Variants in MORC2 observed in about 807,000 individuals in gnomAD.
MORC2 encodes ATPase MORC2.
A neutral mutation model predicts 136.0 loss-of-function variants in MORC2; 30 were observed. That is an observed-to-expected ratio of 0.22 (90% CI 0.17 to 0.30). The LOEUF is 0.30. Among genes scored for constraint, MORC2 ranks in the 10% least tolerant of loss-of-function variants. MORC2 has a pLI of 1.00. For missense variants in MORC2, 922 were observed against 1,333.1 expected (o/e 0.69, Z 4.80); for synonymous variants, 439 against 487.0 (o/e 0.90, Z 1.30).
intron 2 of MORC2, among the ~76,000 whole-genome samples, chr22:30,957,878 A>C (rs1041403610): frequency 3.3e-5 from 5 of 152,254 alleles, no homozygotes; most frequent in South Asian, 2.1e-4. Flanking sequence ...CAGCGAGCAC[A>C]TTAACTGGAG....
At chr22:30,967,444 G>A (rs1445664203) in intron 1 of MORC2, 2 of 1,005,974 alleles carry the variant, frequency 2.0e-6, no homozygotes, top group African/African-American at 3.5e-5. Context: ...AAACCTAACT[G>A]TTTAGGACGT....
chr22:30,967,851 C>T lies in MORC2; in HGVS notation c.39G>A (p.Gln13=). Residue 13 remains glutamine (Q), a synonymous_variant, in exon 1 of 26, where the codon CAG becomes CAA. Transcript: ENST00000397641. ...FTNYSSLNRA[Q]LTFEYLHTNS... is the part of the protein sequence containing the mutation. ...TTGTGTGCAGATATTCAAAGGTTAGCTGAGCTCGATTCAGACTGCTGTAAT... is the reference window on the plus strand; with the variant it reads ...TTGTGTGCAGATATTCAAAGGTTAGTTGAGCTCGATTCAGACTGCTGTAAT... The T allele has an allele frequency of 2.6e-6, 4 of 1,551,190 alleles. No individual in the cohort carries two copies. The highest frequency in any genetic ancestry group is 2.6e-6 in the Non-Finnish European group (3 of 1,147,092).
intron 4 of MORC2, 61 bp downstream of exon 4, chr22:30,950,316 T>G: frequency 6.5e-7 from 1 of 1,531,460 alleles, no homozygotes; most frequent in Non-Finnish European, 9.0e-7. Context: ...ACAATAAGTA[T>G]TTTGTAAAAA....
rs2040484348 is a variant in MORC2 at position 30,926,511 on chromosome 22, A to G, written c.*292T>C. 1 of 173,400 alleles carries G rather than the reference A, an allele frequency of 5.8e-6. No homozygotes were observed. The highest frequency in any genetic ancestry group is 1.4e-4 in the East Asian group (1 of 7,222). 10.7% of individuals were successfully genotyped at this position (173,400 alleles called of 1,614,324 possible). A position where few individuals can be genotyped will look rare whatever the true frequency, so the allele number is the denominator to read the frequency against. The stretch of plus-strand genomic sequence containing the variant: ...AATGGCTCCGGCTTAGCAACCCAGT[A>G]TGGCCAAAGTGGAAAGGTTCTCTGT... On this transcript the variant is annotated 3_prime_UTR_variant, in exon 26 of 26. Coordinates refer to ENST00000397641, the MANE Select transcript of MORC2 (RefSeq NM_001303256.3).
At chr22:30,950,339 A>AAAAC in intron 4 of MORC2, 38 bp downstream of exon 4, 1 of 539,986 alleles carries the variant, frequency 1.9e-6, no homozygotes, top group Admixed American at 2.9e-5. Flanking sequence ...GTTACATCGC[A>AAAAC]CCCCCCCACC....
chr22:30,950,270 G>A (rs2040868359), intron 4 of MORC2, 107 bp downstream of exon 4: 16 of 1,157,050 alleles, frequency 1.4e-5, no homozygotes, highest in Non-Finnish European at 1.7e-5. Flanking sequence ...GGATCTTCTA[G>A]ACATAACATT....
At chr22:30,935,205 G>A (rs771816633) in intron 18 of MORC2, 43 bp downstream of exon 18, 3 of 1,612,510 alleles carry the variant, frequency 1.9e-6, no homozygotes, top group South Asian at 1.1e-5. Context: ...ATCCTAGCAT[G>A]AGACACCTGA....
At chr22:30,962,442 T>C (rs1017352727) in intron 1 of MORC2, among the ~76,000 whole-genome samples, 1 of 151,460 alleles carries the variant, frequency 6.6e-6, no homozygotes, top group African/African-American at 2.4e-5. Flanking sequence ...TTATAATAAA[T>C]AAATAAGCCA....
In MORC2 at chr22:30,937,753, C is replaced by T. The variant is rs1256545505; in HGVS notation, c.1370-42G>A. On this transcript the variant is annotated intron_variant, in intron 14 of 25. Coordinates refer to ENST00000397641, the MANE Select transcript of MORC2 (RefSeq NM_001303256.3). This position sits in a 1 kb window ranked among gnomAD's most constrained non-coding sequence, Gnocchi z 4.7. ...GATACATCATGTTAGGAGCCAGCCT[C>T]TCTCTCTCCCTACATTCAGGTGAAG... 1 of 1,614,038 alleles carries T rather than the reference C, an allele frequency of 6.2e-7. No individual in the cohort carries two copies. The highest frequency in any genetic ancestry group is 8.5e-7 in the Non-Finnish European group (1 of 1,179,938).
intron 2 of MORC2, among the ~76,000 whole-genome samples, chr22:30,957,316 C>T (rs1020097039): frequency 4.6e-5 from 7 of 152,190 alleles, no homozygotes; most frequent in Admixed American, 4.6e-4. Context: ...TCTTAACCTC[C>T]CTAAACCTGA....
At chr22:30,926,923 G>A (rs375752700) in intron 25 of MORC2, 52 bp from the exon 26 acceptor site, 4 of 1,503,608 alleles carry the variant, frequency 2.7e-6, no homozygotes, top group South Asian at 1.1e-5. Context: ...TGATTGGGGG[G>A]CTCACCTTTC....
rs2040676079 is a variant in MORC2 at position 30,937,747 on chromosome 22, C to A, written c.1370-36G>T. On this transcript the variant is annotated intron_variant, in intron 14 of 25. Transcript: ENST00000397641. This position sits in a 1 kb window ranked among gnomAD's most constrained non-coding sequence, Gnocchi z 4.7. ...AACACCGATACATCATGTTAGGAGC[C>A]AGCCTCTCTCTCTCCCTACATTCAG... 1 of 1,613,900 alleles carries A rather than the reference C, an allele frequency of 6.2e-7. No homozygotes were observed. The highest frequency in any genetic ancestry group is 1.7e-5 in the Admixed American group (1 of 59,988).
Position 30,926,779 on chromosome 22 carries a change from G to C in MORC2, c.*24C>G. 6.2e-7 allele frequency: 1 copy of C among 1,606,406 alleles called. No individual in the cohort carries two copies. ...TACAGGGTTGAGGGGCAGGTGGGCAGGGGAGCTGCTCTCTCTCCTGCCTTC... is the reference window on the plus strand; with the variant it reads ...TACAGGGTTGAGGGGCAGGTGGGCACGGGAGCTGCTCTCTCTCCTGCCTTC... On this transcript the variant is annotated 3_prime_UTR_variant, in exon 26 of 26. Transcript: ENST00000397641.
At chr22:30,960,128 C>T (rs578220428) in intron 1 of MORC2, among the ~76,000 whole-genome samples, 3 of 152,272 alleles carry the variant, frequency 2.0e-5, no homozygotes, top group Admixed American at 6.5e-5. Context: ...CCACCACACC[C>T]GGCTAATTTT....
chr22:30,939,889 C>T, intron 11 of MORC2, 70 bp downstream of exon 11: 2 of 1,510,258 alleles, frequency 1.3e-6, no homozygotes, highest in South Asian at 1.2e-5. Context: ...TTTTACTTGA[C>T]CAGGCTCATG....
intron 12 of MORC2, among the ~76,000 whole-genome samples, chr22:30,938,747 TTTTAGTAGAGACA>T (rs1162237085): frequency 1.3e-5 from 2 of 152,130 alleles, no homozygotes; most frequent in Non-Finnish European, 2.9e-5. Context: ...TTTTTTGTAT[TTTTAGTAGAGACA>T]GGGTTTCACT....
rs1327974772 is a variant in MORC2 at position 30,932,201 on chromosome 22, C to A, written c.2841+158G>T. ...TTTTTCCCACATCATAAACTCTCCTCTTCTTTCAGCAGGAGAGAGGCTGGC... is the reference window on the plus strand; with the variant it reads ...TTTTTCCCACATCATAAACTCTCCTATTCTTTCAGCAGGAGAGAGGCTGGC... On this transcript the variant is annotated intron_variant, in intron 24 of 25. Transcript: ENST00000397641. The surrounding 1 kb of genome is among the most constrained non-coding windows in gnomAD (Gnocchi z 4.4). 2.7e-6 allele frequency: 2 copies of A among 734,662 alleles called. No homozygotes were observed. Among genetic ancestry groups the A allele is most frequent in the Non-Finnish European group, 4.5e-6 (2 of 447,882 alleles). The allele number at this position is 734,662 out of a possible 1,614,324, so 45.5% of individuals were successfully genotyped here.
In MORC2 at chr22:30,926,798, T is replaced by G; in HGVS notation, c.*5A>C. 1 of 1,612,812 alleles carries G rather than the reference T, an allele frequency of 6.2e-7. No individual in the cohort carries two copies. The highest frequency in any genetic ancestry group is 8.5e-7 in the Non-Finnish European group (1 of 1,179,340). On this transcript the variant is annotated 3_prime_UTR_variant, in exon 26 of 26. Coordinates refer to ENST00000397641, the MANE Select transcript of MORC2 (RefSeq NM_001303256.3). The stretch of plus-strand genomic sequence containing the variant: ...TGGGCAGGGGAGCTGCTCTCTCTCC[T>G]GCCTTCAGTCCCCCTTGGTGATGAG...
chr22:30,961,947 G>C (rs781519680), intron 1 of MORC2, among the ~76,000 whole-genome samples: 1 of 152,080 alleles, frequency 6.6e-6, no homozygotes, highest in African/African-American at 2.4e-5. Context: ...TATAAACCCA[G>C]CACTTTGGGA....
Sources: gnomAD v4.1 joint callset for allele counts (sites outside exome capture counted in the v4.1 genomes callset) on GRCh38, gnomAD v4.1.1 for gene constraint, Gnocchi (gnomAD v3.1) non-coding constraint, MANE v1.5 for transcripts, NCBI Gene and HGNC (gene_info 2026-07-23, HGNC 2026-07-21) for gene names.